BTAF1: variants seen among roughly 807,000 people sequenced by gnomAD.
BTAF1 encodes B-TFIID TATA-box binding protein associated factor 1.
Under a neutral mutation model 227.1 loss-of-function variants are expected in BTAF1, and 38 were observed. That is an observed-to-expected ratio of 0.17 (90% CI 0.13 to 0.22). BTAF1 has a LOEUF of 0.22. BTAF1 is among the 10% of genes least tolerant of loss of function. The probability of loss-of-function intolerance (pLI) is 1.00; values close to 1 mark genes in which losing one functional copy is unlikely to be tolerated. For synonymous variants in BTAF1, 742 were observed against 751.9 expected, an observed-to-expected ratio of 0.99 and a Z score of 0.21; for missense variants, 1,598 against 2,204.0, an observed-to-expected ratio of 0.73 and a Z score of 5.51.
At position 91,994,645 on chromosome 10, in the gene BTAF1, GTAAC is replaced by G. The variant is rs1221582838; in HGVS notation, c.3309+9_3309+12del. On this transcript the variant is annotated splice_donor_variant and splice_donor_5th_base_variant and intron_variant, in intron 23 of 37. Transcript: ENST00000265990. LOFTEE classifies it high-confidence loss of function. ...AATGGATTCTGAGCTTCATCCCTTG[GTAAC>G]TAACTAATGCAAGTGTAATATTTCT... is the stretch of plus-strand genomic sequence containing the variant. The G allele has an allele frequency of 1.2e-6, 2 of 1,603,926 alleles. No homozygotes were observed. Among genetic ancestry groups the G allele is most frequent in the Non-Finnish European group, 8.5e-7 (1 of 1,171,370 alleles).
At chr10:92,001,287 A>G (rs1303524232) in intron 25 of BTAF1, among the ~76,000 whole-genome samples, 1 of 152,206 alleles carries the variant, frequency 6.6e-6, no homozygotes, top group Non-Finnish European at 1.5e-5. Flanking sequence ...ACAGAGAGAA[A>G]GCTCCAGAGG....
At chr10:91,976,115 A>T (rs1847670458) in intron 14 of BTAF1, among the ~76,000 whole-genome samples, 1 of 152,186 alleles carries the variant, frequency 6.6e-6, no homozygotes, top group Non-Finnish European at 1.5e-5. Context: ...ATAACTTGTT[A>T]GAATGCTTCA....
chr10:91,954,674 C>T (rs1394930641), intron 6 of BTAF1, among the ~76,000 whole-genome samples: 2 of 152,174 alleles, frequency 1.3e-5, no homozygotes, highest in Non-Finnish European at 2.9e-5. Context: ...CCTCCTGCCT[C>T]AGCCTCCCAA....
chr10:92,021,602 C>T (rs1177752369), intron 34 of BTAF1, among the ~76,000 whole-genome samples: 6 of 151,626 alleles, frequency 4.0e-5, no homozygotes, highest in South Asian at 2.1e-4. Flanking sequence ...AATGCAGTGG[C>T]GCGATCTTGG....
intron 2 of BTAF1, among the ~76,000 whole-genome samples, chr10:91,936,941 T>C (rs936500602): frequency 1.3e-5 from 2 of 152,142 alleles, no homozygotes. Flanking sequence ...AGTTTGCCTT[T>C]AGCACTGTCT....
chr10:92,023,420 G>T (rs1176760731), intron 34 of BTAF1, among the ~76,000 whole-genome samples: 3 of 152,120 alleles, frequency 2.0e-5, no homozygotes, highest in Non-Finnish European at 4.4e-5. Flanking sequence ...CGGTACAGTG[G>T]CTCACGCCTG....
Position 91,997,664 on chromosome 10 carries a change from A to G in BTAF1, c.3573A>G (p.Val1191=), listed in dbSNP as rs541583849. 8 of 1,613,830 alleles carry G rather than the reference A, an allele frequency of 5.0e-6. No homozygotes were observed. In the South Asian group the frequency reaches 7.7e-5, roughly 16 times the overall value. Residue 1191 remains valine, a synonymous_variant, in exon 25 of 38, where the codon GTA becomes GTG. Transcript: ENST00000265990. ...ATATTGTCCTTTTAGTTGTTCCTGT[A>G]TTAGGAAGAATGAGTGATCAGACAG... ...VPYIVLLVVP[V]LGRMSDQTDS...
chr10:91,999,468 C>G (rs532195905), intron 25 of BTAF1, among the ~76,000 whole-genome samples: 5 of 152,246 alleles, frequency 3.3e-5, no homozygotes, highest in African/African-American at 1.2e-4. Flanking sequence ...GACCTCAGCT[C>G]ACTGCAACCT....
intron 28 of BTAF1, among the ~76,000 whole-genome samples, chr10:92,010,363 A>G (rs1850213974): frequency 6.6e-6 from 1 of 152,234 alleles, no homozygotes; most frequent in African/African-American, 2.4e-5. Context: ...TTCAATATTC[A>G]GTTCTCAATA....
At position 92,027,224 on chromosome 10, in the gene BTAF1, C is replaced by G; in HGVS notation, c.5330C>G (p.Thr1777Ser). Residue 1777 changes from threonine (T) to serine (S), a missense_variant, in exon 37 of 38, where the codon ACT (threonine) becomes AGT (serine). Physicochemically the swap from Thr to Ser is moderately conservative, Grantham distance 58. Coordinates refer to ENST00000265990, the MANE Select transcript of BTAF1 (RefSeq NM_003972.3). ...AAATTCAAGATGAACATAGCGAATA[C>G]TGTTATTAGCCAAGAGAATTCTAGT... ...LQKFKMNIAN[T>S]VISQENSSLQ... The G allele has an allele frequency of 1.2e-6, 2 of 1,613,864 alleles. No individual in the cohort carries two copies. The highest frequency in any genetic ancestry group is 1.7e-6 in the Non-Finnish European group (2 of 1,179,854).
At chr10:91,929,503 C>G (rs926346248) in intron 1 of BTAF1, among the ~76,000 whole-genome samples, 1 of 152,150 alleles carries the variant, frequency 6.6e-6, no homozygotes, top group African/African-American at 2.4e-5. Flanking sequence ...TATAGCAGAC[C>G]TTTGCTCAAT....
At chr10:91,948,993 C>T (rs187526363) in intron 4 of BTAF1, among the ~76,000 whole-genome samples, 187 of 152,138 alleles carry the variant, frequency 1.2e-3, no homozygotes, top group African/African-American at 4.3e-3. Context: ...TTACATTGAG[C>T]GTTGTTATAT....
At chr10:92,027,089 A>G (rs780815913) in intron 36 of BTAF1, 41 bp from the exon 37 acceptor site, 21 of 1,575,398 alleles carry the variant, frequency 1.3e-5, no homozygotes, top group East Asian at 4.5e-5. Flanking sequence ...ACCTCAAAGC[A>G]TAATATGTGT....
chr10:91,997,848 C>G (rs372782226), intron 25 of BTAF1, 97 bp downstream of exon 25: 1 of 1,252,532 alleles, frequency 8.0e-7, no homozygotes, highest in Non-Finnish European at 1.1e-6. Flanking sequence ...AAGGCTCATG[C>G]CTGTAATCCC....
chr10:92,000,556 TTTTG>T (rs1047156872), intron 25 of BTAF1, among the ~76,000 whole-genome samples: 7 of 152,100 alleles, frequency 4.6e-5, no homozygotes, highest in Non-Finnish European at 7.4e-5. Context: ...CTTGGTTGTT[TTTTG>T]TTTGGTTGTT....
chr10:91,998,672 A>C (rs181431982), intron 25 of BTAF1, among the ~76,000 whole-genome samples: 46 of 152,284 alleles, frequency 3.0e-4, no homozygotes, highest in African/African-American at 1.0e-3. Context: ...TTATTGCTGA[A>C]TTGTATTCCA....
At chr10:91,970,096 T>TTC (rs1847186370) in intron 14 of BTAF1, among the ~76,000 whole-genome samples, 1 of 151,846 alleles carries the variant, frequency 6.6e-6, no homozygotes. Context: ...TTTTTTTTTT[T>TTC]TCCTTTTGAA....
intron 4 of BTAF1, among the ~76,000 whole-genome samples, chr10:91,943,226 A>G (rs888693499): frequency 1.3e-5 from 2 of 152,162 alleles, no homozygotes; most frequent in African/African-American, 4.8e-5. Flanking sequence ...AGGCAGGAGA[A>G]TTGCTTGAAC....
chr10:92,009,241 A>G (rs1476925861), intron 28 of BTAF1, 33 bp downstream of exon 28: 2 of 1,588,166 alleles, frequency 1.3e-6, no homozygotes, highest in Admixed American at 1.7e-5. Context: ...AAAATATTTC[A>G]TCTGTTGTCA....
Sources: allele counts gnomAD v4.1 joint callset (sites outside exome capture counted in the v4.1 genomes callset), GRCh38; gene constraint gnomAD v4.1.1; transcripts MANE v1.5; gene names NCBI Gene and HGNC (gene_info 2026-07-23, HGNC 2026-07-21).